The following MMP26 variants were observed in gnomAD, a reference collection of about 807,000 sequenced individuals.
The protein encoded by MMP26 is matrix metallopeptidase 26, also known as matrix metalloproteinase-26.
In MMP26, 33 loss-of-function variants were observed where a neutral mutation model predicts 31.0. The ratio of observed to expected loss-of-function variants is 1.06; its 90% CI spans 0.81 to 1.42. The LOEUF (loss-of-function observed/expected upper bound fraction) is 1.42. Among genes scored for constraint, MMP26 ranks in the 40% most tolerant of loss-of-function variants. The pLI, the probability that MMP26 is intolerant of heterozygous loss-of-function variation, is 0.00. For synonymous variants in MMP26, 122 were observed against 114.9 expected, an observed-to-expected ratio of 1.06 and a Z score of -0.40; for missense variants, 347 against 316.1, an observed-to-expected ratio of 1.10 and a Z score of -0.74.
At chr11:4,896,388 C>T (rs922824116) in intron 2 of MMP26, among the ~76,000 whole-genome samples, 1 of 152,132 alleles carries the variant, frequency 6.6e-6, no homozygotes, top group African/African-American at 2.4e-5. Context: ...TCCAGCTCTG[C>T]CACCCTCTGT....
chr11:4,896,687 C>G (rs896314348), intron 2 of MMP26, among the ~76,000 whole-genome samples: 2 of 152,076 alleles, frequency 1.3e-5, no homozygotes, highest in Non-Finnish European at 2.9e-5. Flanking sequence ...GGTGTTTTCC[C>G]TTTTTTATGA....
At chr11:4,734,848 C>CGCATAGCATATTTTA (rs1564897513) in intron 1 of MMP26, among the ~76,000 whole-genome samples, 2 of 59,210 alleles carry the variant, frequency 3.4e-5, no homozygotes, top group East Asian at 3.6e-4. Flanking sequence ...AGCATATTTT[C>CGCATAGCATATTTTA]AGCTTGTATC....
chr11:4,793,454 G>T (rs920126491), intron 2 of MMP26, among the ~76,000 whole-genome samples: 1 of 152,110 alleles, frequency 6.6e-6, no homozygotes, highest in African/African-American at 2.4e-5. Context: ...AAGAGTCAAG[G>T]TAGTCTTAGG....
intron 2 of MMP26, among the ~76,000 whole-genome samples, chr11:4,852,571 G>A (rs1241920282): frequency 2.0e-5 from 3 of 152,130 alleles, no homozygotes; most frequent in Non-Finnish European, 2.9e-5. Context: ...AACTAAACAA[G>A]TGTTGGTGAG....
intron 2 of MMP26, among the ~76,000 whole-genome samples, chr11:4,901,251 C>T (rs983880552): frequency 6.7e-6 from 1 of 150,096 alleles, no homozygotes; most frequent in Non-Finnish European, 1.5e-5. Flanking sequence ...CTCTGCCCCC[C>T]GGGGTTCATG....
chr11:4,792,119 G>T (rs1023079207), intron 2 of MMP26, among the ~76,000 whole-genome samples: 1 of 151,312 alleles, frequency 6.6e-6, no homozygotes, highest in African/African-American at 2.4e-5. Flanking sequence ...TGACAAGAGG[G>T]TTTAATAAGT....
chr11:4,764,522 G>T (rs1848604173), intron 1 of MMP26, among the ~76,000 whole-genome samples: 1 of 152,126 alleles, frequency 6.6e-6, no homozygotes, highest in South Asian at 2.1e-4. Flanking sequence ...TACTCTCTTA[G>T]GATGATTTTT....
At chr11:4,746,831 TCACACACACACACA>T (rs3223670) in intron 1 of MMP26, among the ~76,000 whole-genome samples, 49 of 137,216 alleles carry the variant, frequency 3.6e-4, no homozygotes, top group South Asian at 1.3e-3. Context: ...TAAGTCTCTG[TCACACACACACACA>T]CACACACACA....
chr11:4,936,837 G>T (rs1469723022), intron 2 of MMP26, among the ~76,000 whole-genome samples: 1 of 152,070 alleles, frequency 6.6e-6, no homozygotes, highest in East Asian at 1.9e-4. Context: ...TATGACTCCA[G>T]AATAATATAG....
chr11:4,734,894 G>C (rs112400540), intron 1 of MMP26, among the ~76,000 whole-genome samples: 14 of 126,760 alleles, frequency 1.1e-4, no homozygotes, highest in Non-Finnish European at 2.0e-4. Context: ...GATTGAGCTG[G>C]GGAAAGGGTG....
intron 2 of MMP26, among the ~76,000 whole-genome samples, chr11:4,813,963 G>T (rs751396020): frequency 1.6e-4 from 24 of 152,192 alleles, no homozygotes; most frequent in Admixed American, 2.6e-4. Context: ...AAAAATACAA[G>T]CAAAGGGTTT....
At chr11:4,936,912 A>C (rs1040328781) in intron 2 of MMP26, among the ~76,000 whole-genome samples, 9 of 152,188 alleles carry the variant, frequency 5.9e-5, no homozygotes, top group African/African-American at 2.2e-4. Context: ...AAAATTTTTA[A>C]GTCTGTGCAA....
chr11:4,806,417 G>A (rs1346941843), intron 2 of MMP26, among the ~76,000 whole-genome samples: 1 of 152,118 alleles, frequency 6.6e-6, no homozygotes, highest in Non-Finnish European at 1.5e-5. Flanking sequence ...TGTATTGGGT[G>A]CATATATATT....
At chr11:4,705,782 G>T (rs1376419885) in intron 1 of MMP26, among the ~76,000 whole-genome samples, 1 of 152,138 alleles carries the variant, frequency 6.6e-6, no homozygotes, top group African/African-American at 2.4e-5. Flanking sequence ...GAGGTCAGGA[G>T]ATCGAGACCA....
chr11:4,866,099 A>G (rs1286937135), intron 2 of MMP26, among the ~76,000 whole-genome samples: 1 of 152,148 alleles, frequency 6.6e-6, no homozygotes, highest in Non-Finnish European at 1.5e-5. Context: ...ATATTGGCAT[A>G]CCACCAAGAT....
At chr11:4,951,523 C>A (rs1846373394) in intron 2 of MMP26, among the ~76,000 whole-genome samples, 1 of 123,962 alleles carries the variant, frequency 8.1e-6, no homozygotes. Context: ...AGTGATTCTG[C>A]CATTATTGGC....
chr11:4,809,205 T>C (rs184922015), intron 2 of MMP26, among the ~76,000 whole-genome samples: 110 of 152,330 alleles, frequency 7.2e-4, no homozygotes, highest in African/African-American at 2.6e-3. Context: ...AGAATTCTTA[T>C]GAACATAGTA....
intron 2 of MMP26, among the ~76,000 whole-genome samples, chr11:4,789,522 T>TTC (rs1848992528): frequency 9.4e-6 from 1 of 106,352 alleles, no homozygotes; most frequent in African/African-American, 3.2e-5. Flanking sequence ...GGTAAAGATA[T>TTC]CCCCCCACTT....
chr11:4,871,034 A>G (rs1850304092), intron 2 of MMP26, among the ~76,000 whole-genome samples: 1 of 152,164 alleles, frequency 6.6e-6, no homozygotes. Context: ...AGTATAAATT[A>G]AAGTAGGAGG....
Sources: allele counts gnomAD v4.1 joint callset (sites outside exome capture counted in the v4.1 genomes callset), GRCh38; gene constraint gnomAD v4.1.1; transcripts MANE v1.5; gene names NCBI Gene and HGNC (gene_info 2026-07-23, HGNC 2026-07-21).